STAC: variants seen among roughly 807,000 people sequenced by gnomAD.
STAC encodes the protein SH3 and cysteine-rich domain-containing protein.
A neutral mutation model predicts 48.8 loss-of-function variants in STAC; 43 were observed. The observed-to-expected ratio is 0.88, with a 90% CI of 0.69 to 1.14. The LOEUF is 1.14. Among genes scored for constraint, STAC ranks in the 50% most tolerant of loss-of-function variants. The pLI is 0.00. For synonymous variants in STAC, 193 were observed against 179.5 expected, an observed-to-expected ratio of 1.07 and a Z score of -0.60; for missense variants, 497 against 504.0, an observed-to-expected ratio of 0.99 and a Z score of 0.13.
chr3:36,507,859 C>CA (rs551312787), intron 8 of STAC, among the ~76,000 whole-genome samples: 3 of 151,876 alleles, frequency 2.0e-5, no homozygotes, highest in African/African-American at 4.8e-5. Context: ...TTAATCTTTT[C>CA]AAAAAAACCA....
chr3:36,535,844 T>C (rs1316020573), intron 10 of STAC, among the ~76,000 whole-genome samples: 1 of 152,212 alleles, frequency 6.6e-6, no homozygotes, highest in Non-Finnish European at 1.5e-5. Context: ...AATAAGCTTT[T>C]TGATGTGCTG....
intron 2 of STAC, among the ~76,000 whole-genome samples, chr3:36,451,470 ATT>A (rs1696678453): frequency 1.9e-5 from 2 of 106,810 alleles, no homozygotes; most frequent in Admixed American, 1.9e-4. Flanking sequence ...CATACTTTTG[ATT>A]GAGAATAAAT....
At chr3:36,398,509 GAAAA>G (rs1306704217) in intron 1 of STAC, among the ~76,000 whole-genome samples, 1 of 94,000 alleles carries the variant, frequency 1.1e-5, no homozygotes, top group Non-Finnish European at 2.2e-5. Flanking sequence ...GGAAGGAAGA[GAAAA>G]AGAAAGAGAG....
chr3:36,512,038 G>C (rs1426467032), intron 8 of STAC, among the ~76,000 whole-genome samples: 1 of 152,154 alleles, frequency 6.6e-6, no homozygotes, highest in Admixed American at 6.6e-5. Context: ...ATTAGGTTGA[G>C]ATCTGCTGCC....
At chr3:36,444,598 C>T (rs575942485) in intron 2 of STAC, among the ~76,000 whole-genome samples, 21 of 152,340 alleles carry the variant, frequency 1.4e-4, no homozygotes, top group Admixed American at 2.0e-4. Context: ...ACTGGCATTT[C>T]GTTAGCCGAA....
chr3:36,516,824 C>T (rs1698685047), intron 8 of STAC, among the ~76,000 whole-genome samples: 1 of 152,068 alleles, frequency 6.6e-6, no homozygotes, highest in Non-Finnish European at 1.5e-5. Flanking sequence ...AATTTCATGC[C>T]CAGTACAAAG....
At chr3:36,421,205 C>T (rs1283016125) in intron 1 of STAC, among the ~76,000 whole-genome samples, 6 of 152,234 alleles carry the variant, frequency 3.9e-5, no homozygotes, top group East Asian at 1.9e-4. Flanking sequence ...ACAATGAGTA[C>T]ATTAACTACA....
At chr3:36,463,761 G>C (rs1486666740) in intron 2 of STAC, among the ~76,000 whole-genome samples, 1 of 147,440 alleles carries the variant, frequency 6.8e-6, no homozygotes. Flanking sequence ...GAGAACATGC[G>C]GTGTTTGGTT....
At chr3:36,396,592 G>A (rs982014310) in intron 1 of STAC, among the ~76,000 whole-genome samples, 1 of 152,260 alleles carries the variant, frequency 6.6e-6, no homozygotes, top group African/African-American at 2.4e-5. Context: ...TACTAATAAT[G>A]GGGGGCAAGA....
At chr3:36,457,941 A>G (rs1278982029) in intron 2 of STAC, among the ~76,000 whole-genome samples, 1 of 152,208 alleles carries the variant, frequency 6.6e-6, no homozygotes, top group African/African-American at 2.4e-5. Context: ...AAGTAGAAAG[A>G]GTTTTTCCAC....
intron 2 of STAC, among the ~76,000 whole-genome samples, chr3:36,460,306 T>C (rs75766950): frequency 0.033 from 4,988 of 152,086 alleles, 106 homozygotes; most frequent in Middle Eastern, 0.071. Context: ...ACTGGAGCAA[T>C]TTGCCTCATA....
chr3:36,447,836 T>A (rs1025497863), intron 2 of STAC, among the ~76,000 whole-genome samples: 1 of 152,192 alleles, frequency 6.6e-6, no homozygotes, highest in African/African-American at 2.4e-5. Context: ...GTTCTGTCCA[T>A]CATTTAATTG....
chr3:36,422,672 T>A (rs1457996892), intron 1 of STAC, among the ~76,000 whole-genome samples: 1 of 152,160 alleles, frequency 6.6e-6, no homozygotes, highest in Non-Finnish European at 1.5e-5. Flanking sequence ...ATAAACTTAT[T>A]TATAAACATA....
chr3:36,453,568 CA>C (rs1240752956), intron 2 of STAC, among the ~76,000 whole-genome samples: 9 of 152,364 alleles, frequency 5.9e-5, no homozygotes, highest in South Asian at 2.1e-4. Context: ...TGCAGCCCGC[CA>C]TGCCTGAGCC....
chr3:36,530,477 T>C (rs1699035361), intron 10 of STAC, among the ~76,000 whole-genome samples: 1 of 152,186 alleles, frequency 6.6e-6, no homozygotes, highest in African/African-American at 2.4e-5. Flanking sequence ...AAAATTGTTT[T>C]GTCCCACTTA....
intron 1 of STAC, among the ~76,000 whole-genome samples, chr3:36,421,382 AT>A (rs934983303): frequency 5.9e-5 from 9 of 152,170 alleles, no homozygotes; most frequent in Non-Finnish European, 1.3e-4. Context: ...TTCCTAAATA[AT>A]CATCTATGAT....
chr3:36,392,675 G>A (rs986952861), intron 1 of STAC, among the ~76,000 whole-genome samples: 11 of 152,118 alleles, frequency 7.2e-5, no homozygotes, highest in African/African-American at 2.7e-4. Flanking sequence ...CCCCTGCAGA[G>A]CTTTCAGGTG....
At chr3:36,507,380 T>C (rs767724036) in intron 8 of STAC, among the ~76,000 whole-genome samples, 2 of 152,184 alleles carry the variant, frequency 1.3e-5, no homozygotes, top group Non-Finnish European at 2.9e-5. Context: ...TGAAATTTTC[T>C]TTTTTGTTGC....
At chr3:36,454,102 A>G (rs1485789175) in intron 2 of STAC, among the ~76,000 whole-genome samples, 1 of 151,526 alleles carries the variant, frequency 6.6e-6, no homozygotes, top group East Asian at 1.9e-4. Context: ...GGGCCAAATA[A>G]GAGAATAAAA....
Sources: allele counts gnomAD v4.1 joint callset (sites outside exome capture counted in the v4.1 genomes callset), GRCh38; gene constraint gnomAD v4.1.1; transcripts MANE v1.5; gene names NCBI Gene and HGNC (gene_info 2026-07-23, HGNC 2026-07-21).